SLC11A2: variants seen among roughly 807,000 people sequenced by gnomAD.
SLC11A2 encodes the protein natural resistance-associated macrophage protein 2.
A neutral mutation model predicts 68.0 loss-of-function variants in SLC11A2; 38 were observed. The ratio of observed to expected loss-of-function variants is 0.56; its 90% confidence interval spans 0.43 to 0.73. The LOEUF is 0.73. Ranked by LOEUF, SLC11A2 falls within the 30% of genes least tolerant of loss-of-function variation. The pLI, the probability that SLC11A2 is intolerant of heterozygous loss-of-function variation, is 0.00. For synonymous variants in SLC11A2, 242 were observed against 250.6 expected (o/e 0.97, Z 0.32); for missense variants, 517 against 690.5 (o/e 0.75, Z 2.82).
rs1459489486 is a variant in SLC11A2 at position 50,986,471 on chromosome 12, C to A, written c.*1854G>T. On this transcript the variant is annotated 3_prime_UTR_variant, in exon 16 of 16. Coordinates refer to ENST00000262052, the MANE Select transcript of SLC11A2 (RefSeq NM_000617.3). ...AATATAACTTTTAAAAGAATACTAGCAGCTTTTACCTAGGCTCCTAAATGC... is the reference window on the plus strand; with the variant it reads ...AATATAACTTTTAAAAGAATACTAGAAGCTTTTACCTAGGCTCCTAAATGC... The A allele has an allele frequency of 1.6e-6, 2 of 1,285,842 alleles. No homozygotes were observed. The highest frequency in any genetic ancestry group is 2.0e-6 in the Non-Finnish European group (2 of 987,722). The allele number at this position is 1,285,842 out of a possible 1,614,324, so 79.7% of individuals were successfully genotyped here. A position where few individuals can be genotyped will look rare whatever the true frequency, so the allele number is the denominator to read the frequency against.
At chr12:50,977,054 A>G (rs1032994889), downstream of SLC11A2, among the ~76,000 whole-genome samples, 3 of 152,218 alleles carry the variant, frequency 2.0e-5, no homozygotes, top group African/African-American at 7.2e-5. Flanking sequence ...CAATATCGTG[A>G]AAACGGCCAT....
Position 50,986,908 on chromosome 12 carries a change from A to G in SLC11A2, c.*1417T>C, listed in dbSNP as rs1397114191. 7.8e-7 allele frequency: 1 copy of G among 1,287,114 alleles called. No homozygotes were observed. Among genetic ancestry groups the G allele is most frequent in the East Asian group, 5.5e-5 (1 of 18,040 alleles). 79.7% of individuals were successfully genotyped at this position (1,287,114 alleles called of 1,614,324 possible). ...GGGCTCAGATGAACAGCGAACACCAATCAGCCAGGACTCTGGAAGGAAAGC... is the reference window on the plus strand; with the variant it reads ...GGGCTCAGATGAACAGCGAACACCAGTCAGCCAGGACTCTGGAAGGAAAGC... On this transcript the variant is annotated 3_prime_UTR_variant, in exon 16 of 16. Transcript: ENST00000262052.
intron 10 of SLC11A2, chr12:50,994,853 T>C (rs909471452): frequency 5.4e-6 from 3 of 551,640 alleles, no homozygotes; most frequent in Non-Finnish European, 9.8e-6. Flanking sequence ...TGAGTTACAG[T>C]GTGCATGGTA....
At chr12:51,004,429 T>C (rs1412317473) in intron 5 of SLC11A2, among the ~76,000 whole-genome samples, 1 of 152,044 alleles carries the variant, frequency 6.6e-6, no homozygotes, top group African/African-American at 2.4e-5. Context: ...AAAAAGAACA[T>C]ATATAAAATG....
chr12:51,018,844 A>G (rs76477944), intron 1 of SLC11A2, among the ~76,000 whole-genome samples: 1 of 152,362 alleles, frequency 6.6e-6, no homozygotes, highest in East Asian at 1.9e-4. Context: ...TAGAGAATAA[A>G]GGTACTCAAA....
At chr12:51,027,786 T>G (rs1944447576), upstream of SLC11A2, among the ~76,000 whole-genome samples, 1 of 152,002 alleles carries the variant, frequency 6.6e-6, no homozygotes, top group Non-Finnish European at 1.5e-5. Context: ...GCTTCTTTAT[T>G]CACGTAAAAA....
chr12:50,998,346 G>C (rs1458581733), intron 8 of SLC11A2, among the ~76,000 whole-genome samples: 1 of 152,108 alleles, frequency 6.6e-6, no homozygotes, highest in Non-Finnish European at 1.5e-5. Context: ...ACATGACAGA[G>C]CAACGCTCTG....
rs1157261302 is a variant in SLC11A2 at position 50,991,634 on chromosome 12, G to A, written c.1386C>T (p.Ser462=). 6 of 1,613,968 alleles carry A rather than the reference G, an allele frequency of 3.7e-6. No individual in the cohort carries two copies. The highest frequency in any genetic ancestry group is 4.2e-6 in the Non-Finnish European group (5 of 1,179,942). ...CAAAGTCACTCATTACTGGCCGCAA[G>A]CTCGTAAATGTGAGGATGGGTATGA... ...FALIPILTFT[S]LRPVMSDFAN... Residue 462 remains serine (S), a synonymous_variant, in exon 14 of 16, where the codon AGC becomes AGT. Coordinates refer to ENST00000262052, the MANE Select transcript of SLC11A2 (RefSeq NM_000617.3).
At position 51,000,429 on chromosome 12, in the gene SLC11A2, A is replaced by C. The variant is rs1171120688; in HGVS notation, c.430-10T>G. 2 of 1,589,848 alleles carry C rather than the reference A, an allele frequency of 1.3e-6. No homozygotes were observed. Among genetic ancestry groups the C allele is most frequent in the East Asian group, 2.2e-5 (1 of 44,768 alleles). Reference sequence around the variant, plus strand: ...GGATGACTCGTGGGACCTAAACATCAAACAGTAGAAAGACACGGTTCTGAT... The same window carrying C: ...GGATGACTCGTGGGACCTAAACATCCAACAGTAGAAAGACACGGTTCTGAT... On this transcript the variant is annotated splice_polypyrimidine_tract_variant and intron_variant, in intron 5 of 15. Coordinates refer to ENST00000262052, the MANE Select transcript of SLC11A2 (RefSeq NM_000617.3).
At chr12:50,968,079 T>C in the SLC11A2 span, among the ~76,000 whole-genome samples, 1 of 150,652 alleles carries the variant, frequency 6.6e-6, no homozygotes. Context: ...GAGCGAGGCA[T>C]TGTCTCAAAT....
At chr12:51,003,686 G>C (rs922269731) in intron 5 of SLC11A2, among the ~76,000 whole-genome samples, 1 of 150,310 alleles carries the variant, frequency 6.7e-6, no homozygotes, top group Non-Finnish European at 1.5e-5. Flanking sequence ...CCAGCACTTT[G>C]AGAAGCTGTG....
At chr12:51,007,260 C>A (rs1256811629) in intron 3 of SLC11A2, among the ~76,000 whole-genome samples, 1 of 152,150 alleles carries the variant, frequency 6.6e-6, no homozygotes, top group Non-Finnish European at 1.5e-5. Flanking sequence ...CTTCCTGGGG[C>A]TGTGTCACGG....
the SLC11A2 span, chr12:50,960,877 G>C: frequency 1.8e-6 from 2 of 1,103,050 alleles, no homozygotes; most frequent in Non-Finnish European, 2.5e-6. Context: ...ATGGGGTCTT[G>C]CTATGTTGCC....
Position 50,986,619 on chromosome 12 carries a change from G to C in SLC11A2, c.*1706C>G, listed in dbSNP as rs186583435. ...GGCCTTTCCTACTGCAGCCAGGTGA[G>C]AGCTTAAGATGTCAGTCCCCAATAT... On this transcript the variant is annotated 3_prime_UTR_variant, in exon 16 of 16. Coordinates refer to ENST00000262052, the MANE Select transcript of SLC11A2 (RefSeq NM_000617.3). 5 of 1,286,838 alleles carry C rather than the reference G, an allele frequency of 3.9e-6. No individual in the cohort carries two copies. The highest frequency in any genetic ancestry group is 1.2e-5 in the South Asian group (1 of 80,886). 79.7% of individuals were successfully genotyped at this position (1,286,838 alleles called of 1,614,324 possible).
In SLC11A2 at chr12:50,992,069, C is replaced by T. The variant is rs1291986622; in HGVS notation, c.1347+121G>A. ...GATTTCATATACATTTACTGCAGACCACAACCATGCCTCTGTCTTCCTCTC... is the reference window on the plus strand; with the variant it reads ...GATTTCATATACATTTACTGCAGACTACAACCATGCCTCTGTCTTCCTCTC... On this transcript the variant is annotated intron_variant, in intron 13 of 15. Coordinates refer to ENST00000262052, the MANE Select transcript of SLC11A2 (RefSeq NM_000617.3). 3.0e-6 allele frequency: 3 copies of T among 1,009,858 alleles called. No homozygotes were observed. In the South Asian group the frequency reaches 3.9e-5, roughly 13 times the overall value. The allele number at this position is 1,009,858 out of a possible 1,614,324, so 62.6% of individuals were successfully genotyped here.
chr12:50,989,049 G>T (rs545498904), intron 15 of SLC11A2, among the ~76,000 whole-genome samples: 1 of 152,110 alleles, frequency 6.6e-6, no homozygotes, highest in South Asian at 2.1e-4. Flanking sequence ...GTAAGTTCTC[G>T]GAAGTCCACT....
chr12:51,026,362 A>G lies in SLC11A2; in HGVS notation c.-91T>C. On this transcript the variant is annotated 5_prime_UTR_variant, in exon 1 of 16. Transcript: ENST00000262052. ...GCCGCCCCCGCGCCCAGGGCTCCAT[A>G]TTCCGGGAGCCAGCGCCACGCTGGC... 7.8e-7 allele frequency: 1 copy of G among 1,281,268 alleles called. No homozygotes were observed. Among genetic ancestry groups the G allele is most frequent in the Non-Finnish European group, 1.0e-6 (1 of 984,066 alleles). The allele number at this position is 1,281,268 out of a possible 1,614,324, so 79.4% of individuals were successfully genotyped here.
At chr12:51,019,658 TTTTTTTTG>T (rs907039150) in intron 1 of SLC11A2, among the ~76,000 whole-genome samples, 1 of 151,010 alleles carries the variant, frequency 6.6e-6, no homozygotes, top group Non-Finnish European at 1.5e-5. Context: ...TTTTTTTTTT[TTTTTTTTG>T]AGATAGTGTC....
At chr12:50,960,305 G>C in the SLC11A2 span, among the ~76,000 whole-genome samples, 1 of 152,198 alleles carries the variant, frequency 6.6e-6, no homozygotes. Flanking sequence ...AGGAAGAGAA[G>C]AGTAAAGCCA....
Sources: allele counts gnomAD v4.1 joint callset (sites outside exome capture counted in the v4.1 genomes callset), GRCh38; gene constraint gnomAD v4.1.1; transcripts MANE v1.5; gene names NCBI Gene and HGNC (gene_info 2026-07-23, HGNC 2026-07-21).